CCDC178: variants seen among roughly 807,000 people sequenced by gnomAD.
CCDC178 encodes coiled-coil domain containing 178, also known as coiled-coil domain-containing protein 178.
In CCDC178, 126 loss-of-function variants were observed where a neutral mutation model predicts 117.4. That is an observed-to-expected ratio of 1.07 (90% CI 0.93 to 1.24). The LOEUF is 1.24. Among genes scored for constraint, CCDC178 ranks in the 50% most tolerant of loss-of-function variants. CCDC178 has a pLI of 0.00. For synonymous variants in CCDC178, 283 were observed against 313.4 expected (o/e 0.90, Z 1.02); for missense variants, 1,030 against 986.9 (o/e 1.04, Z -0.59).
chr18:33,136,621 TAAAAG>T (rs1354151215), intron 20 of CCDC178, among the ~76,000 whole-genome samples: 3 of 152,158 alleles, frequency 2.0e-5, no homozygotes, highest in Admixed American at 2.0e-4. Flanking sequence ...ATTTGACTGT[TAAAAG>T]AAGTTTGACC....
chr18:33,395,390 G>A (rs1418331490), intron 4 of CCDC178, among the ~76,000 whole-genome samples: 3 of 151,862 alleles, frequency 2.0e-5, no homozygotes, highest in African/African-American at 7.2e-5. Flanking sequence ...TTTAAATTTG[G>A]ATAACAATTG....
chr18:32,947,034 C>A (rs1220187717), intron 22 of CCDC178, among the ~76,000 whole-genome samples: 1 of 152,036 alleles, frequency 6.6e-6, no homozygotes, highest in Non-Finnish European at 1.5e-5. Context: ...CCCGCCTCGG[C>A]CTCCTAAAGA....
chr18:33,047,839 C>T (rs998969163), intron 21 of CCDC178, among the ~76,000 whole-genome samples: 5 of 152,242 alleles, frequency 3.3e-5, no homozygotes, highest in East Asian at 1.9e-4. Context: ...AGGAAAAACA[C>T]TAGCCATCAA....
intron 20 of CCDC178, among the ~76,000 whole-genome samples, chr18:33,135,458 G>A (rs2058113560): frequency 6.6e-6 from 1 of 152,048 alleles, no homozygotes; most frequent in African/African-American, 2.4e-5. Context: ...TCTAGCACTA[G>A]ATGTAAAAAA....
chr18:32,945,941 T>C (rs941298189), intron 22 of CCDC178, among the ~76,000 whole-genome samples: 12 of 152,230 alleles, frequency 7.9e-5, no homozygotes, highest in Admixed American at 5.9e-4. Context: ...AACTTTTACA[T>C]AGTCTGTGAC....
chr18:33,374,940 T>C (rs2063344812), intron 5 of CCDC178, among the ~76,000 whole-genome samples: 3 of 151,940 alleles, frequency 2.0e-5, no homozygotes, highest in Non-Finnish European at 4.4e-5. Flanking sequence ...CATACTGGAG[T>C]TGTGGGAGTG....
intron 18 of CCDC178, among the ~76,000 whole-genome samples, chr18:33,217,775 T>G (rs890764544): frequency 2.0e-5 from 3 of 152,060 alleles, no homozygotes; most frequent in Admixed American, 1.3e-4. Flanking sequence ...TGATTTTAAT[T>G]CATTGTATGC....
chr18:32,958,200 C>A (rs1194874607), intron 22 of CCDC178: 1 of 582,610 alleles, frequency 1.7e-6, no homozygotes, highest in Admixed American at 2.7e-5. Flanking sequence ...CAATTTTATT[C>A]TTTTTCCAAA....
At chr18:33,271,037 A>G (rs1010304890) in intron 12 of CCDC178, among the ~76,000 whole-genome samples, 5 of 151,510 alleles carry the variant, frequency 3.3e-5, no homozygotes, top group African/African-American at 1.2e-4. Context: ...GTATTAATCC[A>G]AAATAATTTT....
At chr18:33,304,712 T>C (rs2062225002) in intron 11 of CCDC178, among the ~76,000 whole-genome samples, 1 of 152,128 alleles carries the variant, frequency 6.6e-6, no homozygotes, top group Non-Finnish European at 1.5e-5. Flanking sequence ...AGAACCAAGA[T>C]GGTCAACTGG....
At chr18:33,059,103 G>T (rs2056879558) in intron 21 of CCDC178, among the ~76,000 whole-genome samples, 1 of 152,102 alleles carries the variant, frequency 6.6e-6, no homozygotes, top group African/African-American at 2.4e-5. Flanking sequence ...TAATAGCTTT[G>T]AATTTTATTC....
At chr18:33,045,382 TTG>T (rs1381690862) in intron 21 of CCDC178, among the ~76,000 whole-genome samples, 8 of 152,144 alleles carry the variant, frequency 5.3e-5, no homozygotes, top group African/African-American at 1.9e-4. Flanking sequence ...ATAGCCATAC[TTG>T]TGTGTCTCTA....
In CCDC178 at chr18:33,164,327, AACCTCAGGTGATCCG is replaced by A. The variant is rs1368428224; in HGVS notation, c.2238+47554_2238+47568del. The stretch of plus-strand genomic sequence containing the variant: ...TTGGTCAGGCTGGTCTCGAGCTCCC[AACCTCAGGTGATCCG>A]ACCTCAGGTGATCCGCCAACCTCGG... On this transcript the variant is annotated intron_variant, in intron 20 of 22. Transcript: ENST00000383096. 2.6e-5 allele frequency among the ~76,000 whole-genome samples: 4 copies of A among 151,778 alleles called. No homozygotes were observed. The East Asian group carries it at 7.8e-4, about 29-fold the overall frequency.
At chr18:32,973,639 C>T (rs1008508790) in intron 22 of CCDC178, among the ~76,000 whole-genome samples, 5 of 151,956 alleles carry the variant, frequency 3.3e-5, no homozygotes, top group African/African-American at 7.2e-5. Flanking sequence ...AATTTGAAAT[C>T]GCTTCATAGC....
chr18:32,999,959 TA>T (rs1242279428), intron 21 of CCDC178, among the ~76,000 whole-genome samples: 1 of 151,930 alleles, frequency 6.6e-6, no homozygotes, highest in Admixed American at 6.6e-5. Flanking sequence ...AGAACATCCA[TA>T]AGAATGAAGG....
At chr18:33,236,977 T>C (rs1323946730) in intron 15 of CCDC178, among the ~76,000 whole-genome samples, 1 of 152,182 alleles carries the variant, frequency 6.6e-6, no homozygotes, top group Non-Finnish European at 1.5e-5. Context: ...TGAGCCCAGT[T>C]TGGAGAGCTG....
At chr18:33,174,083 G>A (rs918489704) in intron 20 of CCDC178, among the ~76,000 whole-genome samples, 26 of 152,318 alleles carry the variant, frequency 1.7e-4, no homozygotes, top group Admixed American at 1.0e-3. Flanking sequence ...AGTGGCATCT[G>A]CTTCTGAGGA....
At chr18:33,141,166 C>A (rs754768063) in intron 20 of CCDC178, among the ~76,000 whole-genome samples, 7 of 152,094 alleles carry the variant, frequency 4.6e-5, no homozygotes, top group Admixed American at 2.6e-4. Context: ...GTGTCTTTAT[C>A]AGCAGCATGA....
chr18:33,231,980 CTT>C (rs1386563322), intron 15 of CCDC178, among the ~76,000 whole-genome samples: 3 of 152,104 alleles, frequency 2.0e-5, no homozygotes, highest in Non-Finnish European at 4.4e-5. Context: ...AGATGGCAAA[CTT>C]TTTTTGTAAA....
Sources: gnomAD v4.1 joint callset for allele counts (sites outside exome capture counted in the v4.1 genomes callset) on GRCh38, gnomAD v4.1.1 for gene constraint, MANE v1.5 for transcripts, NCBI Gene and HGNC (gene_info 2026-07-23, HGNC 2026-07-21) for gene names.